PARVA: variants seen among roughly 807,000 people sequenced by gnomAD.
PARVA encodes alpha-parvin.
A neutral mutation model predicts 52.6 loss-of-function variants in PARVA; 25 were observed. The ratio of observed to expected loss-of-function variants is 0.48; its 90% confidence interval spans 0.35 to 0.66. The LOEUF (loss-of-function observed/expected upper bound fraction) is 0.66, where lower values mean the gene tolerates loss of function less well. PARVA is among the 30% of genes least tolerant of loss of function. The pLI, the probability that PARVA is intolerant of heterozygous loss-of-function variation, is 0.01. For missense variants in PARVA, 373 were observed against 450.9 expected (o/e 0.83, Z 1.56); for synonymous variants, 185 against 179.1 (o/e 1.03, Z -0.26).
intron 1 of PARVA, among the ~76,000 whole-genome samples, chr11:12,396,437 C>CTG (rs1433592965): frequency 6.6e-6 from 1 of 152,160 alleles, no homozygotes; most frequent in East Asian, 1.9e-4. Context: ...TGTCTGGGCC[C>CTG]TGGAAGCAAA....
At position 12,462,492 on chromosome 11, in the gene PARVA, C is replaced by A. The variant is rs141489901; in HGVS notation, c.137-11253C>A. Among the ~76,000 whole-genome samples the A allele has an allele frequency of 1.8e-3, 268 of 152,270 alleles. 1 individual carries two copies. The highest frequency in any genetic ancestry group is 5.9e-3 in the African/African-American group (245 of 41,562). ...AGAAAAGGAAAGAAAATGGATTACC[C>A]GCTAAGCCAGTAGAAAGGAACACAG... is the stretch of plus-strand genomic sequence containing the variant. On this transcript the variant is annotated intron_variant, in intron 1 of 12. Transcript: ENST00000334956.
At chr11:12,502,444 T>C (rs896962771) in intron 5 of PARVA, among the ~76,000 whole-genome samples, 2 of 151,954 alleles carry the variant, frequency 1.3e-5, no homozygotes, top group African/African-American at 2.4e-5. Flanking sequence ...ATGCCCCCTG[T>C]AATGAAGAGC....
chr11:12,385,074 C>T (rs1344564527), intron 1 of PARVA, among the ~76,000 whole-genome samples: 1 of 152,074 alleles, frequency 6.6e-6, no homozygotes, highest in Admixed American at 6.5e-5. Context: ...TGGTGGCTCA[C>T]GCCTGTAATC....
Position 12,379,215 on chromosome 11 carries a change from GT to G in PARVA, c.136+1436del, listed in dbSNP as rs553493892. Reference sequence around the variant, plus strand: ...TTAGCCGACTTCTTTACTGCGACCTGTTTTATCAGCAAGGTCTTTATGACCT... The same window carrying G: ...TTAGCCGACTTCTTTACTGCGACCTGTTTATCAGCAAGGTCTTTATGACCT... On this transcript the variant is annotated intron_variant, in intron 1 of 12. Coordinates refer to ENST00000334956, the MANE Select transcript of PARVA (RefSeq NM_018222.5). 4.2e-3 allele frequency among the ~76,000 whole-genome samples: 596 copies of G among 143,446 alleles called. 9 individuals are homozygous for G. The highest frequency in any genetic ancestry group is 0.014 in the African/African-American group (575 of 40,978). 94.1% of individuals were successfully genotyped at this position (143,446 alleles called of 152,430 possible). A position where few individuals can be genotyped will look rare whatever the true frequency, so the allele number is the denominator to read the frequency against.
intron 1 of PARVA, among the ~76,000 whole-genome samples, chr11:12,400,525 A>C (rs1019188078): frequency 7.9e-5 from 12 of 152,298 alleles, no homozygotes; most frequent in African/African-American, 2.9e-4. Context: ...GAGTACTTTT[A>C]TATGACCTTG....
chr11:12,390,362 AG>A (rs1473255360), intron 1 of PARVA, among the ~76,000 whole-genome samples: 1 of 152,198 alleles, frequency 6.6e-6, no homozygotes, highest in Non-Finnish European at 1.5e-5. Context: ...TTTAGGAAGC[AG>A]GGCACACCAG....
rs148966781 is a variant in PARVA at position 12,464,910 on chromosome 11, G to A, written c.137-8835G>A. 3.1e-3 allele frequency among the ~76,000 whole-genome samples: 477 copies of A among 152,250 alleles called. 1 individual carries two copies. Among genetic ancestry groups the A allele is most frequent in the Middle Eastern group, 0.017 (5 of 294 alleles). Reference sequence around the variant, plus strand: ...TTTTCCATGGACATGGGGTTGGGTCGGGGTTAGTTTCGGGATGAAACTGTT... The same window carrying A: ...TTTTCCATGGACATGGGGTTGGGTCAGGGTTAGTTTCGGGATGAAACTGTT... On this transcript the variant is annotated intron_variant, in intron 1 of 12. Transcript: ENST00000334956.
rs768213387 is a variant in PARVA at position 12,527,829 on chromosome 11, G to GT, written c.1043-14dup. 11 of 1,598,238 alleles carry GT rather than the reference G, an allele frequency of 6.9e-6. No homozygotes were observed. Among genetic ancestry groups the GT allele is most frequent in the Middle Eastern group, 1.7e-4 (1 of 6,000 alleles). The stretch of plus-strand genomic sequence containing the variant: ...ATGTGGCCCCATGGAAACAATTGGT[G>GT]TTTTTTGTTTTCTACGCAGACATAG... On this transcript the variant is annotated intron_variant, in intron 12 of 12. Coordinates refer to ENST00000334956, the MANE Select transcript of PARVA (RefSeq NM_018222.5).
At chr11:12,460,834 A>G (rs1003503675) in intron 1 of PARVA, among the ~76,000 whole-genome samples, 1 of 152,218 alleles carries the variant, frequency 6.6e-6, no homozygotes, top group African/African-American at 2.4e-5. Flanking sequence ...CAGGTGATGC[A>G]TGAAGACGAA....
chr11:12,523,841 CAG>C (rs1941668712), intron 12 of PARVA, among the ~76,000 whole-genome samples: 1 of 152,170 alleles, frequency 6.6e-6, no homozygotes, highest in Non-Finnish European at 1.5e-5. Context: ...TTTATGAGAA[CAG>C]GGCTTTGACG....
At chr11:12,504,185 G>C (rs966132072) in intron 5 of PARVA, 129 bp from the exon 6 acceptor site, 1 of 632,572 alleles carries the variant, frequency 1.6e-6, no homozygotes, top group African/African-American at 1.8e-5. Flanking sequence ...TTACATTTCA[G>C]CATGAGATTT....
chr11:12,378,632 G>A (rs1297220997), intron 1 of PARVA, among the ~76,000 whole-genome samples: 1 of 125,768 alleles, frequency 8.0e-6, no homozygotes, highest in Non-Finnish European at 1.6e-5. Flanking sequence ...TTTTTCCCAT[G>A]CACAGATTTT....
intron 1 of PARVA, among the ~76,000 whole-genome samples, chr11:12,450,611 C>G (rs1344363250): frequency 1.3e-5 from 2 of 152,212 alleles, no homozygotes; most frequent in East Asian, 1.9e-4. Flanking sequence ...GACTCACACT[C>G]TCACAAGGTA....
intron 3 of PARVA, among the ~76,000 whole-genome samples, chr11:12,476,423 A>C (rs1941015180): frequency 6.6e-6 from 1 of 152,000 alleles, no homozygotes; most frequent in Non-Finnish European, 1.5e-5. Flanking sequence ...TCGAGGCTAT[A>C]GTGCACTATG....
chr11:12,492,913 C>A (rs1171129835), intron 4 of PARVA, among the ~76,000 whole-genome samples: 1 of 151,828 alleles, frequency 6.6e-6, no homozygotes, highest in Admixed American at 6.6e-5. Context: ...GGCTGTATGT[C>A]AAGTTATAAG....
chr11:12,493,809 G>A (rs990216232), intron 4 of PARVA, among the ~76,000 whole-genome samples: 52 of 152,120 alleles, frequency 3.4e-4, no homozygotes, highest in Non-Finnish European at 7.1e-4. Flanking sequence ...TCCACACTAA[G>A]CAATTTTCCA....
chr11:12,485,916 G>A (rs1941153336), intron 4 of PARVA, among the ~76,000 whole-genome samples: 1 of 152,138 alleles, frequency 6.6e-6, no homozygotes, highest in Admixed American at 6.5e-5. Context: ...TCTCAAAACT[G>A]TCAAGGTCAT....
intron 1 of PARVA, among the ~76,000 whole-genome samples, chr11:12,418,552 C>G (rs552654546): frequency 1.3e-5 from 2 of 152,288 alleles, no homozygotes; most frequent in Non-Finnish European, 2.9e-5. Context: ...CTCAGCGTGC[C>G]TGCCACAGCC....
intron 5 of PARVA, among the ~76,000 whole-genome samples, chr11:12,500,477 G>A (rs541574377): frequency 3.9e-5 from 6 of 152,144 alleles, no homozygotes; most frequent in Admixed American, 6.6e-5. Flanking sequence ...GCATATTTTT[G>A]TTCTAAAGAA....
Sources: gnomAD v4.1 joint callset for allele counts (sites outside exome capture counted in the v4.1 genomes callset) on GRCh38, gnomAD v4.1.1 for gene constraint, MANE v1.5 for transcripts, NCBI Gene and HGNC (gene_info 2026-07-23, HGNC 2026-07-21) for gene names.